Variants in ADARB2 observed in about 807,000 individuals in gnomAD.
ADARB2 encodes the protein inactive double-stranded RNA-specific editase B2.
A neutral mutation model predicts 62.2 loss-of-function variants in ADARB2; 25 were observed. The ratio of observed to expected loss-of-function variants is 0.40; its 90% CI spans 0.29 to 0.56. The LOEUF is 0.56. Among genes scored for constraint, ADARB2 ranks in the 20% least tolerant of loss-of-function variants. The probability of loss-of-function intolerance (pLI) is 0.43; values close to 1 mark genes in which losing one functional copy is unlikely to be tolerated. For missense variants in ADARB2, 1,071 were observed against 1,077.4 expected (o/e 0.99, Z 0.08); for synonymous variants, 572 against 500.8 (o/e 1.14, Z -1.90).
At chr10:1,656,727 CT>C (rs553146772) in intron 1 of ADARB2, among the ~76,000 whole-genome samples, 137 of 152,258 alleles carry the variant, frequency 9.0e-4, no homozygotes, top group South Asian at 4.2e-3. Flanking sequence ...GAACTGACTT[CT>C]TTAGGCCAAT....
intron 8 of ADARB2, among the ~76,000 whole-genome samples, chr10:1,188,513 G>A (rs1023178057): frequency 2.0e-5 from 3 of 152,142 alleles, no homozygotes; most frequent in African/African-American, 7.2e-5. Flanking sequence ...GAGCTTCTAG[G>A]GAAGGGTCTG....
intron 1 of ADARB2, among the ~76,000 whole-genome samples, chr10:1,618,028 T>C (rs1833664432): frequency 6.6e-6 from 1 of 152,224 alleles, no homozygotes; most frequent in Non-Finnish European, 1.5e-5. Flanking sequence ...CATCATGCCC[T>C]TTAGTTTCTG....
Position 1,692,942 on chromosome 10 carries a change from T to C in ADARB2, c.100+44109A>G, listed in dbSNP as rs76100343. On this transcript the variant is annotated intron_variant, in intron 1 of 9. Transcript: ENST00000381312. ...TCTGGGCTCACAGAGCTGGCTTTCA[T>C]AACTCCTGTTCCTCATGCAGCCTCT... Among the ~76,000 whole-genome samples, 1,295 of 152,294 alleles carry C rather than the reference T, an allele frequency of 8.5e-3. 27 individuals carry two copies. Among genetic ancestry groups the C allele is most frequent in the African/African-American group, 0.026 (1,073 of 41,556 alleles).
At chr10:1,596,999 G>C (rs902733475) in intron 1 of ADARB2, among the ~76,000 whole-genome samples, 1 of 152,118 alleles carries the variant, frequency 6.6e-6, no homozygotes, top group African/African-American at 2.4e-5. Context: ...AAGGGAAAGT[G>C]AGCCTCCTGC....
chr10:1,586,274 CCA>C (rs1277374254), intron 1 of ADARB2, among the ~76,000 whole-genome samples: 4 of 152,188 alleles, frequency 2.6e-5, no homozygotes, highest in Non-Finnish European at 5.9e-5. Flanking sequence ...TCTTCTGACC[CCA>C]GTCTTTGGCT....
At chr10:1,232,397 A>C (rs1218593550) in intron 6 of ADARB2, among the ~76,000 whole-genome samples, 1 of 147,468 alleles carries the variant, frequency 6.8e-6, no homozygotes, top group East Asian at 2.1e-4. Context: ...CGTGGTATGC[A>C]TGTGCTTGTG....
At chr10:1,457,745 C>A (rs1831112649) in intron 1 of ADARB2, among the ~76,000 whole-genome samples, 1 of 152,166 alleles carries the variant, frequency 6.6e-6, no homozygotes, top group Non-Finnish European at 1.5e-5. Context: ...CTAAATCCCT[C>A]AGCCTTTCAG....
intron 1 of ADARB2, among the ~76,000 whole-genome samples, chr10:1,440,422 C>CTT (rs113675218): frequency 2.2e-4 from 32 of 144,102 alleles, no homozygotes; most frequent in South Asian, 1.1e-3. Flanking sequence ...CTACAAACGC[C>CTT]TTTTTTTTTT....
intron 8 of ADARB2, among the ~76,000 whole-genome samples, chr10:1,185,728 T>G (rs1836747469): frequency 6.6e-6 from 1 of 152,206 alleles, no homozygotes; most frequent in African/African-American, 2.4e-5. Flanking sequence ...CAGGGCTGCA[T>G]GCCCACGATG....
At chr10:1,679,661 T>A (rs1422657934) in intron 1 of ADARB2, among the ~76,000 whole-genome samples, 1 of 152,072 alleles carries the variant, frequency 6.6e-6, no homozygotes, top group Non-Finnish European at 1.5e-5. Context: ...AAGAGCACTG[T>A]CCCCCAGGAG....
chr10:1,344,033 A>T (rs1230080738), intron 3 of ADARB2, among the ~76,000 whole-genome samples: 1 of 150,576 alleles, frequency 6.6e-6, no homozygotes, highest in Non-Finnish European at 1.5e-5. Context: ...ATAAGAGTTA[A>T]AAAAACTCAG....
At chr10:1,316,096 GTTTAATTTT>G (rs1386765579) in intron 3 of ADARB2, among the ~76,000 whole-genome samples, 1 of 152,224 alleles carries the variant, frequency 6.6e-6, no homozygotes, top group Non-Finnish European at 1.5e-5. Flanking sequence ...AATGTTAAAA[GTTTAATTTT>G]TTTAAAGACT....
chr10:1,602,201 C>T (rs1419282682), intron 1 of ADARB2, among the ~76,000 whole-genome samples: 3 of 152,214 alleles, frequency 2.0e-5, no homozygotes, highest in Admixed American at 2.0e-4. Flanking sequence ...CTGATGTGGA[C>T]TTTCAAACTG....
chr10:1,650,003 C>T (rs1588338398), intron 1 of ADARB2, among the ~76,000 whole-genome samples: 2 of 152,316 alleles, frequency 1.3e-5, no homozygotes, highest in African/African-American at 2.4e-5. Flanking sequence ...GCGTATCATA[C>T]CTTTTCATAA....
chr10:1,430,813 C>T (rs1830770482), intron 1 of ADARB2, among the ~76,000 whole-genome samples: 1 of 151,858 alleles, frequency 6.6e-6, no homozygotes. Context: ...CACTGAAGGC[C>T]AAGAGGGAAA....
In ADARB2 at chr10:1,704,729, G is replaced by A. The variant is rs902154011; in HGVS notation, c.100+32322C>T. Among the ~76,000 whole-genome samples, 1 of 152,186 alleles carries A rather than the reference G, an allele frequency of 6.6e-6. No individual in the cohort carries two copies. Among genetic ancestry groups the A allele is most frequent in the Non-Finnish European group, 1.5e-5 (1 of 68,036 alleles). ...GTGGGATTATTGATATTATTACAAA[G>A]AATAAATCTGATAGGGTCTCAGAGA... On this transcript the variant is annotated intron_variant, in intron 1 of 9. Coordinates refer to ENST00000381312, the MANE Select transcript of ADARB2 (RefSeq NM_018702.4). The surrounding 1 kb of genome is among the most constrained non-coding windows in gnomAD (Gnocchi z 5.6).
chr10:1,715,284 C>T (rs368160035), intron 1 of ADARB2, among the ~76,000 whole-genome samples: 39 of 152,162 alleles, frequency 2.6e-4, no homozygotes, highest in South Asian at 2.1e-3. Flanking sequence ...TTCCAGTCTA[C>T]GTGGAAGTGT....
At chr10:1,206,299 C>T (rs568174771) in intron 7 of ADARB2, among the ~76,000 whole-genome samples, 28 of 152,322 alleles carry the variant, frequency 1.8e-4, no homozygotes, top group Middle Eastern at 3.4e-3. Context: ...GGGCCACGCT[C>T]TCCCACTGGG....
chr10:1,442,287 G>A (rs1830916613), intron 1 of ADARB2, among the ~76,000 whole-genome samples: 1 of 152,176 alleles, frequency 6.6e-6, no homozygotes. Context: ...TAATGTCTTT[G>A]TCAAATTTCT....
Sources: gnomAD v4.1 joint callset for allele counts (sites outside exome capture counted in the v4.1 genomes callset) on GRCh38, gnomAD v4.1.1 for gene constraint, Gnocchi (gnomAD v3.1) non-coding constraint, MANE v1.5 for transcripts, NCBI Gene and HGNC (gene_info 2026-07-23, HGNC 2026-07-21) for gene names.